SNTG1: variants seen among roughly 807,000 people sequenced by gnomAD.
SNTG1 encodes the protein gamma-1-syntrophin.
Under a neutral mutation model 74.7 loss-of-function variants are expected in SNTG1, and 39 were observed. The observed-to-expected ratio is 0.52, with a 90% CI of 0.40 to 0.68. SNTG1 has a LOEUF of 0.68. SNTG1 is among the 30% of genes least tolerant of loss of function. SNTG1 has a pLI of 0.00. For missense variants in SNTG1, 685 were observed against 609.5 expected (o/e 1.12, Z -1.30); for synonymous variants, 254 against 217.1 (o/e 1.17, Z -1.49).
intron 2 of SNTG1, among the ~76,000 whole-genome samples, chr8:50,228,386 C>A (rs535651885): frequency 2.0e-3 from 304 of 151,922 alleles, no homozygotes; most frequent in African/African-American, 7.0e-3. Flanking sequence ...TAGCTAAGAA[C>A]TTTCCCAAAT....
chr8:50,465,170 C>A (rs1449156210), intron 8 of SNTG1, among the ~76,000 whole-genome samples: 1 of 152,140 alleles, frequency 6.6e-6, no homozygotes, highest in African/African-American at 2.4e-5. Flanking sequence ...ACATGAAACA[C>A]CACAGCCTCC....
At chr8:50,273,130 T>C (rs1027881329) in intron 2 of SNTG1, among the ~76,000 whole-genome samples, 5 of 152,150 alleles carry the variant, frequency 3.3e-5, no homozygotes, top group African/African-American at 1.2e-4. Context: ...TGAATCAACA[T>C]GGTAAATGGT....
chr8:50,338,907 C>T (rs1397425289), intron 2 of SNTG1, among the ~76,000 whole-genome samples: 1 of 151,966 alleles, frequency 6.6e-6, no homozygotes, highest in South Asian at 2.1e-4. Context: ...AAACTAATGA[C>T]AGGTACCAAA....
At chr8:50,396,695 G>A (rs1368511342) in intron 3 of SNTG1, among the ~76,000 whole-genome samples, 2 of 152,108 alleles carry the variant, frequency 1.3e-5, no homozygotes, top group Admixed American at 6.6e-5. Context: ...GATATTGTGA[G>A]TATATTTCAA....
chr8:49,919,386 T>C (rs1043577440), intron 1 of SNTG1, among the ~76,000 whole-genome samples: 1 of 152,058 alleles, frequency 6.6e-6, no homozygotes, highest in African/African-American at 2.4e-5. Flanking sequence ...CATAGTGCAG[T>C]TTTCAGTGAA....
At chr8:50,684,892 C>T (rs2095346066) in intron 15 of SNTG1, among the ~76,000 whole-genome samples, 1 of 110,470 alleles carries the variant, frequency 9.1e-6, no homozygotes, top group South Asian at 3.7e-4. Context: ...CCCCCCTCCC[C>T]CCACCCCACC....
chr8:50,368,221 A>G (rs1333985854), intron 2 of SNTG1, among the ~76,000 whole-genome samples: 1 of 152,194 alleles, frequency 6.6e-6, no homozygotes, highest in Admixed American at 6.5e-5. Flanking sequence ...TTCTTGTTAT[A>G]TAGTGGCAAA....
At chr8:50,477,323 C>T (rs987531645) in intron 8 of SNTG1, among the ~76,000 whole-genome samples, 1 of 152,070 alleles carries the variant, frequency 6.6e-6, no homozygotes, top group Non-Finnish European at 1.5e-5. Flanking sequence ...CTATCAATAG[C>T]ATGTACACTT....
intron 1 of SNTG1, among the ~76,000 whole-genome samples, chr8:49,949,583 C>A (rs1341710980): frequency 6.6e-6 from 1 of 152,164 alleles, no homozygotes; most frequent in East Asian, 1.9e-4. Flanking sequence ...AACAGCATTA[C>A]TTCATAGATG....
chr8:49,984,210 A>ATT (rs200052962), intron 1 of SNTG1, among the ~76,000 whole-genome samples: 2 of 150,306 alleles, frequency 1.3e-5, no homozygotes, highest in African/African-American at 4.9e-5. Flanking sequence ...TTATTTATTT[A>ATT]TTTTTTTTTG....
rs572770702 is a variant in SNTG1, at chr8:50,146,450, G to A, written c.-102-26111G>A. On this transcript the variant is annotated intron_variant, in intron 1 of 18. Coordinates refer to ENST00000642720, the MANE Select transcript of SNTG1 (RefSeq NM_018967.5). ...GGAGAATCGCTGGTACCTGGGAGGG[G>A]GAGGTTGCAGTGAGCCAAGATCACG... Among the ~76,000 whole-genome samples, 262 of 152,202 alleles carry A rather than the reference G, an allele frequency of 1.7e-3. 2 individuals are homozygous for A. The highest frequency in any genetic ancestry group is 5.9e-3 in the African/African-American group (246 of 41,526).
At chr8:50,381,835 A>ATATTATATATATATATG (rs1554509532) in intron 2 of SNTG1, 1 of 131,076 alleles carries the variant, frequency 7.6e-6, no homozygotes. Flanking sequence ...ATATATATAT[A>ATATTATATATATATATG]TTATATATAT....
intron 1 of SNTG1, among the ~76,000 whole-genome samples, chr8:49,969,205 T>C (rs1402881243): frequency 1.3e-5 from 2 of 152,060 alleles, no homozygotes; most frequent in Non-Finnish European, 2.9e-5. Context: ...TTTAAGAGGC[T>C]TGGTTTACTT....
At chr8:50,269,002 G>C (rs2087631611) in intron 2 of SNTG1, among the ~76,000 whole-genome samples, 1 of 152,162 alleles carries the variant, frequency 6.6e-6, no homozygotes, top group South Asian at 2.1e-4. Flanking sequence ...ATGGAAGGTA[G>C]GGTGGCCTTT....
intron 1 of SNTG1, among the ~76,000 whole-genome samples, chr8:50,108,091 G>C (rs942288381): frequency 1.3e-5 from 2 of 152,098 alleles, no homozygotes; most frequent in African/African-American, 4.8e-5. Context: ...GTTTTGATGA[G>C]GTAGCCACCA....
At chr8:50,460,645 T>C (rs1444775860) in intron 8 of SNTG1, among the ~76,000 whole-genome samples, 1 of 152,202 alleles carries the variant, frequency 6.6e-6, no homozygotes, top group Non-Finnish European at 1.5e-5. Context: ...TTGATACATC[T>C]TGAGTTAATT....
At chr8:50,364,050 T>C (rs1360560224) in intron 2 of SNTG1, among the ~76,000 whole-genome samples, 1 of 152,162 alleles carries the variant, frequency 6.6e-6, no homozygotes, top group Non-Finnish European at 1.5e-5. Flanking sequence ...CTGGAAGCTC[T>C]CAGAATCCCT....
intron 1 of SNTG1, among the ~76,000 whole-genome samples, chr8:49,990,371 A>G (rs991999604): frequency 3.3e-5 from 5 of 152,044 alleles, no homozygotes; most frequent in African/African-American, 1.2e-4. Flanking sequence ...ATTTTATACA[A>G]TCTTTATTAG....
intron 1 of SNTG1, among the ~76,000 whole-genome samples, chr8:50,080,616 T>C (rs182563579): frequency 4.6e-5 from 7 of 152,270 alleles, no homozygotes; most frequent in African/African-American, 1.7e-4. Flanking sequence ...TTATTTTGAG[T>C]TATTTTATTA....
Sources: gnomAD v4.1 joint callset for allele counts (sites outside exome capture counted in the v4.1 genomes callset) on GRCh38, gnomAD v4.1.1 for gene constraint, MANE v1.5 for transcripts, NCBI Gene and HGNC (gene_info 2026-07-23, HGNC 2026-07-21) for gene names.